RASEF: variants seen among roughly 807,000 people sequenced by gnomAD.
RASEF encodes RAS and EF-hand domain containing.
A neutral mutation model predicts 90.1 loss-of-function variants in RASEF; 68 were observed. The ratio of observed to expected loss-of-function variants is 0.75; its 90% confidence interval spans 0.62 to 0.92. The LOEUF is 0.92. RASEF is among the 40% of genes least tolerant of loss of function. The probability of loss-of-function intolerance (pLI) is 0.00; values close to 1 mark genes in which losing one functional copy is unlikely to be tolerated. For missense variants in RASEF, 949 were observed against 937.2 expected, an observed-to-expected ratio of 1.01 and a Z score of -0.16; for synonymous variants, 331 against 345.2, an observed-to-expected ratio of 0.96 and a Z score of 0.46.
At chr9:83,161,412 G>T in the RASEF span, among the ~76,000 whole-genome samples, 67 of 151,946 alleles carry the variant, frequency 4.4e-4, no homozygotes, top group Non-Finnish European at 7.7e-4. Flanking sequence ...CTTGCATGGG[G>T]CCTGTAGCCC....
Position 82,992,870 on chromosome 9 carries a change from T to G in RASEF, c.2040+36A>C, listed in dbSNP as rs367560459. 163 of 1,607,632 alleles carry G rather than the reference T, an allele frequency of 1.0e-4. 2 individuals carry two copies. The highest frequency in any genetic ancestry group is 7.8e-4 in the Admixed American group (46 of 59,324). On this transcript the variant is annotated intron_variant, in intron 15 of 16. Transcript: ENST00000376447. The stretch of plus-strand genomic sequence containing the variant: ...CCGACTTCAAAGCCATTAAACCCCA[T>G]GTTCTCTTCTAATTCTGAGGCATCC...
chr9:83,116,512 T>G, the RASEF span, among the ~76,000 whole-genome samples: 1 of 151,172 alleles, frequency 6.6e-6, no homozygotes, highest in Non-Finnish European at 1.5e-5. Flanking sequence ...ATGAACAGTA[T>G]GAGCTACAGG....
At chr9:83,136,313 G>T in the RASEF span, among the ~76,000 whole-genome samples, 1 of 151,874 alleles carries the variant, frequency 6.6e-6, no homozygotes, top group African/African-American at 2.4e-5. Context: ...ATACCTTTGC[G>T]CAAAGTGAAA....
In RASEF at chr9:83,007,566, C is replaced by T. The variant is rs374787691; in HGVS notation, c.960-61G>A. On this transcript the variant is annotated intron_variant, in intron 6 of 16. Transcript: ENST00000376447. The stretch of plus-strand genomic sequence containing the variant: ...GGTGTCAAGTCCTGCCTCACGTATA[C>T]CTACCCTCCCAGACCCTTTCCCACC... The T allele has an allele frequency of 7.2e-5, 85 of 1,178,114 alleles. No homozygotes were observed. In the East Asian group the frequency reaches 1.0e-3, roughly 15 times the overall value. The allele number at this position is 1,178,114 out of a possible 1,614,324, so 73.0% of individuals were successfully genotyped here.
chr9:83,099,448 C>T, the RASEF span, among the ~76,000 whole-genome samples: 1 of 152,140 alleles, frequency 6.6e-6, no homozygotes. Flanking sequence ...AAGTTATTTT[C>T]TCATATACTC....
At chr9:82,983,631 T>C (rs978140418) in intron 16 of RASEF, among the ~76,000 whole-genome samples, 7 of 152,168 alleles carry the variant, frequency 4.6e-5, no homozygotes, top group Non-Finnish European at 1.0e-4. Flanking sequence ...AGGTGAAGGT[T>C]TGATCCCCTA....
chr9:83,085,925 C>CA, the RASEF span, among the ~76,000 whole-genome samples: 369 of 150,564 alleles, frequency 2.5e-3, no homozygotes, highest in African/African-American at 8.8e-3. Flanking sequence ...ACTCCATCTC[C>CA]AAAAAAAATA....
chr9:83,174,921 T>G, the RASEF span, among the ~76,000 whole-genome samples: 1 of 152,162 alleles, frequency 6.6e-6, no homozygotes, highest in Non-Finnish European at 1.5e-5. Flanking sequence ...TTTAGGTTGT[T>G]CAATGCAAGT....
At chr9:83,158,691 TA>T in the RASEF span, among the ~76,000 whole-genome samples, 2 of 148,760 alleles carry the variant, frequency 1.3e-5, no homozygotes, top group Admixed American at 6.7e-5. Flanking sequence ...CATATACATA[TA>T]TGTATATATT....
the RASEF span, among the ~76,000 whole-genome samples, chr9:83,197,604 A>C: frequency 3.3e-5 from 5 of 152,218 alleles, no homozygotes; most frequent in Non-Finnish European, 7.4e-5. Flanking sequence ...TCAAGTTTTA[A>C]AAATTCCTCC....
chr9:83,014,271 A>T (rs1829302277), intron 4 of RASEF, among the ~76,000 whole-genome samples: 1 of 152,186 alleles, frequency 6.6e-6, no homozygotes, highest in Non-Finnish European at 1.5e-5. Flanking sequence ...TTAAATTGCA[A>T]TAGTGTATAA....
the RASEF span, among the ~76,000 whole-genome samples, chr9:83,078,758 C>T: frequency 5.3e-5 from 8 of 151,620 alleles, no homozygotes; most frequent in African/African-American, 1.7e-4. Flanking sequence ...TAGGAGTTTC[C>T]CAGCAGGATA....
the RASEF span, among the ~76,000 whole-genome samples, chr9:83,145,998 T>C: frequency 4.6e-5 from 7 of 151,874 alleles, no homozygotes; most frequent in African/African-American, 1.7e-4. Flanking sequence ...AATGTAGTTA[T>C]AAAGAAGTTT....
the RASEF span, among the ~76,000 whole-genome samples, chr9:83,189,825 T>C: frequency 6.6e-6 from 1 of 152,222 alleles, no homozygotes; most frequent in East Asian, 1.9e-4. Flanking sequence ...GTTTCTCATT[T>C]AAACAAACAT....
At chr9:83,016,398 T>C (rs1829343395) in intron 3 of RASEF, among the ~76,000 whole-genome samples, 2 of 152,024 alleles carry the variant, frequency 1.3e-5, no homozygotes, top group Admixed American at 1.3e-4. Flanking sequence ...GGGGTGTCCC[T>C]TCAAGTTCTT....
the RASEF span, among the ~76,000 whole-genome samples, chr9:83,176,125 G>C: frequency 6.6e-6 from 1 of 152,132 alleles, no homozygotes; most frequent in South Asian, 2.1e-4. Context: ...GAACTATTGT[G>C]AAATTGTTTA....
the RASEF span, among the ~76,000 whole-genome samples, chr9:83,176,946 T>C: frequency 3.0e-4 from 45 of 152,106 alleles, 1 homozygote; most frequent in Non-Finnish European, 8.8e-5. Context: ...AGTAACCTTC[T>C]TATTATTTCT....
chr9:83,173,031 ATGTTT>A, the RASEF span, among the ~76,000 whole-genome samples: 1 of 151,892 alleles, frequency 6.6e-6, no homozygotes, highest in African/African-American at 2.4e-5. Context: ...ACTTGGTTGA[ATGTTT>A]TATTTCCTTC....
At chr9:83,137,585 C>T in the RASEF span, among the ~76,000 whole-genome samples, 1 of 151,948 alleles carries the variant, frequency 6.6e-6, no homozygotes, top group Non-Finnish European at 1.5e-5. Context: ...AAATAGAGTG[C>T]TAGAAATAAT....
Sources: gnomAD v4.1 joint callset for allele counts (sites outside exome capture counted in the v4.1 genomes callset) on GRCh38, gnomAD v4.1.1 for gene constraint, MANE v1.5 for transcripts, NCBI Gene and HGNC (gene_info 2026-07-23, HGNC 2026-07-21) for gene names.